Variants in OR1F1 observed in about 807,000 individuals in gnomAD.
OR1F1 encodes the protein olfactory receptor family 1 subfamily F member 1.
For missense variants in OR1F1, 493 were observed against 376.3 expected (o/e 1.31, Z -2.57); for synonymous variants, 184 against 156.7 (o/e 1.17, Z -1.30).
the OR1F1 span, chr16:3,188,445 T>C: frequency 6.6e-6 from 1 of 152,280 alleles, no homozygotes; most frequent in East Asian, 1.9e-4. Context: ...ATAAATTTTT[T>C]CTAGGATTCC....
exon 1 of OR1F1, chr16:3,204,395 G>A (rs1308696868): frequency 6.2e-7 from 1 of 1,613,916 alleles, no homozygotes; most frequent in African/African-American, 1.3e-5. Context: ...CTGTCCGTAA[G>A]CATAGACTCC....
downstream of OR1F1, among the ~76,000 whole-genome samples, chr16:3,205,340 G>A (rs1362464125): frequency 6.6e-6 from 1 of 152,076 alleles, no homozygotes; most frequent in African/African-American, 2.4e-5. Flanking sequence ...TTTTGAGACA[G>A]GGTCATGCTC....
chr16:3,205,416 A>C (rs972188333), downstream of OR1F1, among the ~76,000 whole-genome samples: 3 of 152,026 alleles, frequency 2.0e-5, no homozygotes, highest in Non-Finnish European at 2.9e-5. Flanking sequence ...CCCAGGCTCA[A>C]GTGATCCTCC....
chr16:3,195,203 C>G, the OR1F1 span, among the ~76,000 whole-genome samples: 1 of 152,210 alleles, frequency 6.6e-6, no homozygotes, highest in Non-Finnish European at 1.5e-5. Flanking sequence ...CCTTCTCTTC[C>G]TGCCGCTACG....
the OR1F1 span, among the ~76,000 whole-genome samples, chr16:3,194,724 T>C: frequency 2.0e-5 from 3 of 152,148 alleles, no homozygotes; most frequent in African/African-American, 7.2e-5. Context: ...AGGTCTCTTT[T>C]GGAATTTAAG....
At chr16:3,189,733 T>C in the OR1F1 span, 1 of 151,956 alleles carries the variant, frequency 6.6e-6, no homozygotes, top group South Asian at 2.1e-4. Flanking sequence ...AAAAGTCGTT[T>C]CCTGCTCTTT....
chr16:3,205,050 T>G, exon 1 of OR1F1: 2 of 1,614,076 alleles, frequency 1.2e-6, no homozygotes, highest in Non-Finnish European at 8.5e-7. Context: ...CCCACTCAGC[T>G]GAGAAAGACA....
upstream of OR1F1, among the ~76,000 whole-genome samples, chr16:3,201,691 C>A (rs1049810933): frequency 6.6e-6 from 1 of 152,162 alleles, no homozygotes; most frequent in Non-Finnish European, 1.5e-5. Flanking sequence ...GGGATGATCA[C>A]AACCTTACCT....
the OR1F1 span, among the ~76,000 whole-genome samples, chr16:3,195,658 G>A: frequency 1.3e-5 from 2 of 148,226 alleles, no homozygotes; most frequent in African/African-American, 2.5e-5. Context: ...TTACAAGCCC[G>A]GGGGACAGAG....
chr16:3,204,372 C>T (rs574070012), exon 1 of OR1F1: 1 of 1,614,076 alleles, frequency 6.2e-7, no homozygotes, highest in South Asian at 1.1e-5. Flanking sequence ...TCCTGGGGAA[C>T]CTGCTCATCA....
At chr16:3,189,889 T>A in the OR1F1 span, 1 of 151,030 alleles carries the variant, frequency 6.6e-6, no homozygotes, top group South Asian at 2.1e-4. Flanking sequence ...GTCACCAGTG[T>A]TGCCAGAGCC....
chr16:3,200,209 GTCT>G (rs758965615), upstream of OR1F1, among the ~76,000 whole-genome samples: 5 of 152,106 alleles, frequency 3.3e-5, no homozygotes, highest in African/African-American at 4.8e-5. Flanking sequence ...GTTCTGGGTG[GTCT>G]TCTTCTCAGT....
chr16:3,202,133 TG>T (rs1342491024), upstream of OR1F1, among the ~76,000 whole-genome samples: 2 of 152,220 alleles, frequency 1.3e-5, no homozygotes, highest in Non-Finnish European at 2.9e-5. Context: ...TCGCTTGTCC[TG>T]CATCAGTACA....
At chr16:3,204,759 C>G (rs746998598) in exon 1 of OR1F1, 1 of 1,614,160 alleles carries the variant, frequency 6.2e-7, no homozygotes, top group South Asian at 1.1e-5. Context: ...TCTGTGCAGA[C>G]AATGCCATCA....
At chr16:3,199,343 T>C (rs1958110011), upstream of OR1F1, among the ~76,000 whole-genome samples, 1 of 151,186 alleles carries the variant, frequency 6.6e-6, no homozygotes, top group African/African-American at 2.4e-5. Context: ...TAAAAATATA[T>C]AATAAAAGAG....
chr16:3,189,549 A>G, the OR1F1 span, among the ~76,000 whole-genome samples: 2 of 151,906 alleles, frequency 1.3e-5, no homozygotes, highest in Non-Finnish European at 2.9e-5. Flanking sequence ...ATAAGATTCT[A>G]CTCACTGGGT....
chr16:3,205,625 C>T (rs546373141), downstream of OR1F1, among the ~76,000 whole-genome samples: 1 of 152,074 alleles, frequency 6.6e-6, no homozygotes, highest in Non-Finnish European at 1.5e-5. Flanking sequence ...TTAATATGGA[C>T]ATGTATCGGT....
chr16:3,204,226 T>C (rs190411580), upstream of OR1F1: 3,406 of 1,552,948 alleles, frequency 2.2e-3, 12 homozygotes, highest in Non-Finnish European at 2.7e-3. Context: ...TGTCTGCCTC[T>C]GTGTCCAGGA....
the OR1F1 span, among the ~76,000 whole-genome samples, chr16:3,192,134 T>C: frequency 6.6e-6 from 1 of 152,108 alleles, no homozygotes; most frequent in Non-Finnish European, 1.5e-5. Context: ...TCAACTCGGT[T>C]GAAGCTCCTT....
Sources: allele counts gnomAD v4.1 joint callset (sites outside exome capture counted in the v4.1 genomes callset), GRCh38; gene constraint gnomAD v4.1.1; transcripts MANE v1.5; gene names NCBI Gene and HGNC (gene_info 2026-07-23, HGNC 2026-07-21).